The following CSNK1G1 variants were observed in gnomAD, a reference collection of about 807,000 sequenced individuals.
CSNK1G1 encodes the protein casein kinase I isoform gamma-1.
CSNK1G1 carries 22 observed loss-of-function variants against 59.6 expected under a neutral mutation model. The observed-to-expected ratio is 0.37, with a 90% CI of 0.26 to 0.53. The LOEUF is 0.53. CSNK1G1 is among the 20% of genes least tolerant of loss of function. The pLI is 0.89. For synonymous variants in CSNK1G1, 179 were observed against 177.1 expected, an observed-to-expected ratio of 1.01 and a Z score of -0.08; for missense variants, 384 against 519.5, an observed-to-expected ratio of 0.74 and a Z score of 2.54.
intron 11 of CSNK1G1, among the ~76,000 whole-genome samples, chr15:64,174,459 A>G (rs2081717073): frequency 6.6e-6 from 1 of 152,176 alleles, no homozygotes; most frequent in Non-Finnish European, 1.5e-5. Flanking sequence ...GTCTGTGGTG[A>G]CTACTAGCAA....
intron 6 of CSNK1G1, among the ~76,000 whole-genome samples, chr15:64,211,350 G>A (rs1310631616): frequency 2.0e-5 from 3 of 152,138 alleles, no homozygotes; most frequent in East Asian, 3.8e-4. Flanking sequence ...AACTTCTATC[G>A]TTTGAGGCAT....
Position 64,181,289 on chromosome 15 carries a change from C to T in CSNK1G1, c.1108-835G>A, listed in dbSNP as rs764032156. On this transcript the variant is annotated intron_variant, in intron 10 of 11. Coordinates refer to ENST00000303052, the MANE Select transcript of CSNK1G1 (RefSeq NM_022048.5). ...TCCTGTCATCTGGTTAATGTGGACC[C>T]AATCAGGCTTCTCTTGCATGTGTAG... 67 of 1,536,088 alleles carry T rather than the reference C, an allele frequency of 4.4e-5. No homozygotes were observed. The South Asian group carries it at 7.7e-4, about 18-fold the overall frequency.
Position 64,200,876 on chromosome 15 carries a change from T to A in CSNK1G1, c.1107+2206A>T, listed in dbSNP as rs1355611220. The stretch of plus-strand genomic sequence containing the variant: ...ATCATTTCTATATCTCTGCTACCAA[T>A]GACAATGCAACAGTTTTATGCACAT... On this transcript the variant is annotated intron_variant, in intron 10 of 11. Transcript: ENST00000303052. The surrounding 1 kb of genome is among the most constrained non-coding windows in gnomAD (Gnocchi z 4.3). Among the ~76,000 whole-genome samples, 2 of 152,216 alleles carry A rather than the reference T, an allele frequency of 1.3e-5. No individual in the cohort carries two copies. The highest frequency in any genetic ancestry group is 2.9e-5 in the Non-Finnish European group (2 of 68,048).
chr15:64,305,772 C>CAAA (rs55865359), intron 1 of CSNK1G1, among the ~76,000 whole-genome samples: 29 of 134,266 alleles, frequency 2.2e-4, no homozygotes, highest in African/African-American at 6.2e-4. Context: ...TGTGATATTG[C>CAAA]AAAAAAAAAA....
At chr15:64,228,959 C>T (rs2140287400) in intron 4 of CSNK1G1, among the ~76,000 whole-genome samples, 1 of 132,946 alleles carries the variant, frequency 7.5e-6, no homozygotes, top group South Asian at 2.3e-4. Flanking sequence ...CAGCAGTTGG[C>T]AGTAAGCTGA....
At chr15:64,291,048 T>C (rs943423276) in intron 2 of CSNK1G1, among the ~76,000 whole-genome samples, 1 of 152,156 alleles carries the variant, frequency 6.6e-6, no homozygotes, top group Non-Finnish European at 1.5e-5. Flanking sequence ...AGCAGAAGAA[T>C]GACATGACTT....
chr15:64,283,820 A>C (rs750588758), intron 2 of CSNK1G1, among the ~76,000 whole-genome samples: 9 of 152,184 alleles, frequency 5.9e-5, no homozygotes, highest in Non-Finnish European at 1.3e-4. Flanking sequence ...TTGTCACACA[A>C]AAGTTTTAAA....
intron 4 of CSNK1G1, among the ~76,000 whole-genome samples, chr15:64,223,404 T>C (rs2082416614): frequency 6.6e-6 from 1 of 152,194 alleles, no homozygotes; most frequent in African/African-American, 2.4e-5. Context: ...AAACAGGTAC[T>C]TTCTATAAAT....
intron 10 of CSNK1G1, among the ~76,000 whole-genome samples, chr15:64,190,184 T>G (rs1234090751): frequency 6.6e-6 from 1 of 152,166 alleles, no homozygotes; most frequent in Non-Finnish European, 1.5e-5. Flanking sequence ...AAGGATCCTG[T>G]TCATATTTTC....
intron 11 of CSNK1G1, among the ~76,000 whole-genome samples, chr15:64,173,273 G>A (rs1046439245): frequency 6.6e-6 from 1 of 152,170 alleles, no homozygotes; most frequent in Non-Finnish European, 1.5e-5. Flanking sequence ...CAATGGACTA[G>A]TTATAAAAAA....
chr15:64,312,466 C>G (rs970892553), intron 1 of CSNK1G1, among the ~76,000 whole-genome samples: 3 of 152,228 alleles, frequency 2.0e-5, no homozygotes, highest in African/African-American at 7.2e-5. Flanking sequence ...CTACAACCAT[C>G]TGATCTTTGA....
At chr15:64,278,700 A>T (rs1284542362) in intron 2 of CSNK1G1, among the ~76,000 whole-genome samples, 2 of 152,188 alleles carry the variant, frequency 1.3e-5, no homozygotes. Flanking sequence ...TGCTGGGATT[A>T]CAGGCATGAG....
chr15:64,203,666 C>T (rs1284462273), intron 9 of CSNK1G1, among the ~76,000 whole-genome samples: 10 of 137,618 alleles, frequency 7.3e-5, no homozygotes, highest in Non-Finnish European at 1.5e-4. Context: ...CATTGCACTC[C>T]AGCCTGGGCA....
At chr15:64,269,356 G>A (rs1893154004) in intron 2 of CSNK1G1, among the ~76,000 whole-genome samples, 1 of 152,076 alleles carries the variant, frequency 6.6e-6, no homozygotes, top group Non-Finnish European at 1.5e-5. Context: ...GGACTTTGGA[G>A]CTCATTCTTG....
chr15:64,251,936 CA>C (rs1221089365), intron 3 of CSNK1G1, among the ~76,000 whole-genome samples: 6 of 152,104 alleles, frequency 3.9e-5, no homozygotes, highest in Non-Finnish European at 7.4e-5. Context: ...TTGTTTTGTT[CA>C]GAATTTTGGG....
rs548634983 is a variant in CSNK1G1 at position 64,239,373 on chromosome 15, CTTTG to C, written c.292+12135_292+12138del. 3.1e-3 allele frequency among the ~76,000 whole-genome samples: 464 copies of C among 151,894 alleles called. 1 individual carries two copies. Among genetic ancestry groups the C allele is most frequent in the African/African-American group, 0.011 (447 of 41,430 alleles). The stretch of plus-strand genomic sequence containing the variant: ...GTTGTTGTTGTTGTATGTTTTTTTT[CTTTG>C]TTTTTGTTTTTGTTTTGAGACAGGA... On this transcript the variant is annotated intron_variant, in intron 4 of 11. Coordinates refer to ENST00000303052, the MANE Select transcript of CSNK1G1 (RefSeq NM_022048.5).
rs1166336515 is a variant in CSNK1G1, at chr15:64,216,228, AAAAACAAAAC to A, written c.444+324_444+333del. On this transcript the variant is annotated intron_variant, in intron 5 of 11. Coordinates refer to ENST00000303052, the MANE Select transcript of CSNK1G1 (RefSeq NM_022048.5). The surrounding 1 kb of genome is among the most constrained non-coding windows in gnomAD (Gnocchi z 4.6). ...TGACAGAGACCCTGTCTCAAAAATG[AAAAACAAAAC>A]AAAACAAAATCAAATAAATTATTCA... Among the ~76,000 whole-genome samples the A allele has an allele frequency of 5.9e-5, 9 of 152,284 alleles. 1 individual carries two copies. Among genetic ancestry groups the A allele is most frequent in the African/African-American group, 1.9e-4 (8 of 41,546 alleles).
intron 4 of CSNK1G1, among the ~76,000 whole-genome samples, chr15:64,247,204 G>A (rs1891806459): frequency 6.6e-6 from 1 of 152,018 alleles, no homozygotes; most frequent in African/African-American, 2.4e-5. Context: ...ATCTTCCTAA[G>A]TAAAAGACCC....
chr15:64,264,016 T>C (rs897155694), intron 2 of CSNK1G1, among the ~76,000 whole-genome samples: 3 of 152,118 alleles, frequency 2.0e-5, no homozygotes, highest in African/African-American at 7.2e-5. Flanking sequence ...AAACATAGTA[T>C]CTGACATTCA....
Sources: gnomAD v4.1 joint callset for allele counts (sites outside exome capture counted in the v4.1 genomes callset) on GRCh38, gnomAD v4.1.1 for gene constraint, Gnocchi (gnomAD v3.1) non-coding constraint, MANE v1.5 for transcripts, NCBI Gene and HGNC (gene_info 2026-07-23, HGNC 2026-07-21) for gene names.